CCDC178: variants seen among roughly 807,000 people sequenced by gnomAD.
CCDC178 encodes coiled-coil domain containing 178.
CCDC178 carries 126 observed loss-of-function variants against 117.4 expected under a neutral mutation model. The ratio of observed to expected loss-of-function variants is 1.07; its 90% CI spans 0.93 to 1.24. CCDC178 has a LOEUF of 1.24. Among genes scored for constraint, CCDC178 ranks in the 50% most tolerant of loss-of-function variants. CCDC178 has a pLI of 0.00. For missense variants in CCDC178, 1,030 were observed against 986.9 expected (o/e 1.04, Z -0.59); for synonymous variants, 283 against 313.4 (o/e 0.90, Z 1.02).
At chr18:33,009,700 C>T (rs1264808655) in intron 21 of CCDC178, among the ~76,000 whole-genome samples, 1 of 152,012 alleles carries the variant, frequency 6.6e-6, no homozygotes, top group Admixed American at 6.6e-5. Flanking sequence ...TATGTGTCTC[C>T]CTCACTAGAA....
chr18:33,133,970 T>G (rs1390249801), intron 20 of CCDC178, among the ~76,000 whole-genome samples: 1 of 151,916 alleles, frequency 6.6e-6, no homozygotes, highest in Non-Finnish European at 1.5e-5. Flanking sequence ...GGAAAATCAT[T>G]AAGTAGGCTA....
intron 20 of CCDC178, among the ~76,000 whole-genome samples, chr18:33,125,020 T>C (rs1288441498): frequency 6.6e-6 from 1 of 152,180 alleles, no homozygotes. Flanking sequence ...ACACATTTGC[T>C]TGATGCTAGT....
intron 20 of CCDC178, among the ~76,000 whole-genome samples, chr18:33,191,165 T>G (rs1286848499): frequency 6.6e-6 from 1 of 152,152 alleles, no homozygotes; most frequent in Non-Finnish European, 1.5e-5. Flanking sequence ...TTCACTGACC[T>G]CAAGTTTGGG....
At chr18:33,319,235 C>T (rs1010871257) in intron 11 of CCDC178, among the ~76,000 whole-genome samples, 28 of 151,912 alleles carry the variant, frequency 1.8e-4, no homozygotes, top group Admixed American at 4.6e-4. Context: ...TGTTCCCCTT[C>T]CTGTGTCCAG....
chr18:33,159,110 A>G (rs1271480293), intron 20 of CCDC178, among the ~76,000 whole-genome samples: 1 of 152,100 alleles, frequency 6.6e-6, no homozygotes, highest in Non-Finnish European at 1.5e-5. Context: ...AGGCCATGTG[A>G]TTAATTTATT....
chr18:33,208,987 C>T (rs965492661), intron 20 of CCDC178, among the ~76,000 whole-genome samples: 2 of 151,900 alleles, frequency 1.3e-5, no homozygotes, highest in African/African-American at 4.8e-5. Context: ...AAAGAACACA[C>T]AGAGAAAGGA....
chr18:33,087,566 T>TTTTGTG (rs1382390617), intron 21 of CCDC178, among the ~76,000 whole-genome samples: 2 of 146,032 alleles, frequency 1.4e-5, no homozygotes, highest in African/African-American at 5.1e-5. Context: ...CCAAAGCCAT[T>TTTTGTG]TGTGTGTGTG....
chr18:33,371,243 T>A (rs184680018), intron 5 of CCDC178, among the ~76,000 whole-genome samples: 18 of 152,008 alleles, frequency 1.2e-4, no homozygotes, highest in Admixed American at 4.6e-4. Flanking sequence ...GTGTTCAGTC[T>A]ATTCTACAAT....
At chr18:33,089,905 G>A (rs1467660430) in intron 21 of CCDC178, among the ~76,000 whole-genome samples, 1 of 144,430 alleles carries the variant, frequency 6.9e-6, no homozygotes, top group Non-Finnish European at 1.5e-5. Flanking sequence ...TGTATTTCTA[G>A]TGTTTTAATT....
intron 15 of CCDC178, among the ~76,000 whole-genome samples, 174 bp downstream of exon 15, chr18:33,245,071 T>G (rs1200903630): frequency 6.6e-6 from 1 of 152,004 alleles, no homozygotes; most frequent in African/African-American, 2.4e-5. Context: ...CATCCTCTTC[T>G]ATTCAAGCTG....
chr18:33,156,927 T>C (rs1366085735), intron 20 of CCDC178, among the ~76,000 whole-genome samples: 2 of 152,190 alleles, frequency 1.3e-5, no homozygotes, highest in African/African-American at 2.4e-5. Context: ...CCAGGAAATA[T>C]TGTTACCATT....
At chr18:33,261,706 T>C (rs2059753270) in intron 14 of CCDC178, among the ~76,000 whole-genome samples, 1 of 152,164 alleles carries the variant, frequency 6.6e-6, no homozygotes, top group African/African-American at 2.4e-5. Context: ...CCATAAATAG[T>C]CATTTTAAAA....
intron 20 of CCDC178, among the ~76,000 whole-genome samples, chr18:33,111,093 A>C (rs1348044816): frequency 4.0e-5 from 6 of 151,560 alleles, no homozygotes; most frequent in Admixed American, 2.6e-4. Context: ...TTCAGAGAAG[A>C]CTTGTACATC....
intron 21 of CCDC178, among the ~76,000 whole-genome samples, chr18:33,086,787 A>G (rs962613896): frequency 2.0e-5 from 3 of 151,988 alleles, no homozygotes; most frequent in Non-Finnish European, 2.9e-5. Context: ...AGCTCTATTG[A>G]CATTTGGGCT....
chr18:33,229,123 A>T (rs2144644284), intron 15 of CCDC178, among the ~76,000 whole-genome samples: 1 of 152,288 alleles, frequency 6.6e-6, no homozygotes, highest in Non-Finnish European at 1.5e-5. Flanking sequence ...ACTCCTGTGG[A>T]CAGGAGAGGA....
chr18:33,389,569 A>C lies in CCDC178; in HGVS notation c.179T>G (p.Phe60Cys). The C allele has an allele frequency of 1.3e-6, 2 of 1,522,644 alleles. No homozygotes were observed. Among genetic ancestry groups the C allele is most frequent in the Non-Finnish European group, 8.8e-7 (1 of 1,136,104 alleles). 94.3% of individuals were successfully genotyped at this position (1,522,644 alleles called of 1,614,324 possible). The stretch of plus-strand genomic sequence containing the variant: ...AGTATTTGTCATTTTACTTTCATGA[A>C]AACCTTCACTGTTCTCCTTAGAGGC... ...YGASKENSEG[F>C]HESKMTNTEG... Residue 60 changes from phenylalanine (F) to cysteine (C), a missense_variant, in exon 5 of 23, where the codon TTT becomes TGT. Transcript: ENST00000383096.
At chr18:33,426,858 G>A (rs1168057804) in intron 2 of CCDC178, among the ~76,000 whole-genome samples, 1 of 152,064 alleles carries the variant, frequency 6.6e-6, no homozygotes, top group Non-Finnish European at 1.5e-5. Context: ...ATAAAATGAG[G>A]ATTGTCAACA....
At chr18:33,042,639 T>C (rs2056570575) in intron 21 of CCDC178, among the ~76,000 whole-genome samples, 1 of 151,906 alleles carries the variant, frequency 6.6e-6, no homozygotes, top group Admixed American at 6.6e-5. Flanking sequence ...GGAAAATGGT[T>C]TTAATTTCCC....
At position 33,333,378 on chromosome 18, in the gene CCDC178, C is replaced by G; in HGVS notation, c.675G>C (p.Leu225Phe). ...LAVQKEHEAY[L>F]SDVIELQWHL... is the part of the protein sequence containing the mutation. ...GCCATTGTAATTCTATAACATCACT[C>G]AAATAGGCCTCATGTTCTAGATATA... is the stretch of plus-strand genomic sequence containing the variant. Residue 225 changes from leucine to phenylalanine, a missense_variant, in exon 10 of 23, where the codon TTG (leucine) becomes TTC (phenylalanine). Transcript: ENST00000383096. 1 of 1,598,614 alleles carries G rather than the reference C, an allele frequency of 6.3e-7. No homozygotes were observed. Among genetic ancestry groups the G allele is most frequent in the South Asian group, 1.1e-5 (1 of 90,336 alleles).
Sources: allele counts gnomAD v4.1 joint callset (sites outside exome capture counted in the v4.1 genomes callset), GRCh38; gene constraint gnomAD v4.1.1; transcripts MANE v1.5; gene names NCBI Gene and HGNC (gene_info 2026-07-23, HGNC 2026-07-21).